CHN2: variants seen among roughly 807,000 people sequenced by gnomAD.
CHN2 encodes beta-chimaerin.
CHN2 carries 35 observed loss-of-function variants against 56.3 expected under a neutral mutation model. The observed-to-expected ratio is 0.62, with a 90% confidence interval of 0.47 to 0.82. The LOEUF is 0.82. CHN2 is among the 40% of genes least tolerant of loss of function. The pLI, the probability that CHN2 is intolerant of heterozygous loss-of-function variation, is 0.00. For synonymous variants in CHN2, 210 were observed against 212.8 expected, an observed-to-expected ratio of 0.99 and a Z score of 0.12; for missense variants, 491 against 580.5, an observed-to-expected ratio of 0.85 and a Z score of 1.58.
intron 2 of CHN2, among the ~76,000 whole-genome samples, chr7:29,154,864 C>G (rs942813745): frequency 6.6e-6 from 1 of 152,134 alleles, no homozygotes; most frequent in Non-Finnish European, 1.5e-5. Flanking sequence ...CTGATAAAGA[C>G]ATACTCGAGA....
intron 1 of CHN2, among the ~76,000 whole-genome samples, chr7:29,263,344 G>C (rs1398852377): frequency 6.6e-6 from 1 of 152,212 alleles, no homozygotes; most frequent in Non-Finnish European, 1.5e-5. Flanking sequence ...ATGTTGCCCA[G>C]GCTGGAGTGC....
chr7:29,221,015 A>T (rs1187624032), intron 1 of CHN2, among the ~76,000 whole-genome samples: 2 of 152,226 alleles, frequency 1.3e-5, no homozygotes, highest in Non-Finnish European at 2.9e-5. Flanking sequence ...AAAGAGGAAA[A>T]TTATGTAATT....
At chr7:29,383,521 T>C (rs1800683119) in intron 3 of CHN2, among the ~76,000 whole-genome samples, 1 of 152,192 alleles carries the variant, frequency 6.6e-6, no homozygotes, top group Non-Finnish European at 1.5e-5. Flanking sequence ...GGCTAATCTC[T>C]TGGAGAAACA....
intron 6 of CHN2, among the ~76,000 whole-genome samples, chr7:29,466,149 C>G (rs1785530875): frequency 6.6e-6 from 1 of 151,928 alleles, no homozygotes; most frequent in Non-Finnish European, 1.5e-5. Flanking sequence ...TTGCAGTAAG[C>G]CAAGTTTGCG....
chr7:29,164,799 A>C (rs1410600372), intron 2 of CHN2, among the ~76,000 whole-genome samples: 2 of 151,624 alleles, frequency 1.3e-5, no homozygotes, highest in African/African-American at 2.4e-5. Context: ...AAAAAAAAAA[A>C]AACAAAGATT....
chr7:29,273,684 G>A (rs1790944592), intron 1 of CHN2, among the ~76,000 whole-genome samples: 1 of 151,660 alleles, frequency 6.6e-6, no homozygotes, highest in African/African-American at 2.4e-5. Flanking sequence ...AACATTTGTT[G>A]CCTCTTGTCT....
chr7:29,167,884 T>G (rs1482943270), intron 2 of CHN2, among the ~76,000 whole-genome samples: 4 of 152,178 alleles, frequency 2.6e-5, no homozygotes, highest in Non-Finnish European at 5.9e-5. Context: ...AGCAATTACT[T>G]ACTGATGCAA....
intron 1 of CHN2, among the ~76,000 whole-genome samples, chr7:29,217,648 A>C (rs1206110242): frequency 1.3e-5 from 2 of 152,216 alleles, no homozygotes; most frequent in Non-Finnish European, 2.9e-5. Flanking sequence ...GAATGTCTTT[A>C]AGGCCCTGAA....
At chr7:29,318,737 A>G (rs1372104562) in intron 1 of CHN2, among the ~76,000 whole-genome samples, 2 of 152,176 alleles carry the variant, frequency 1.3e-5, no homozygotes, top group Non-Finnish European at 2.9e-5. Flanking sequence ...CTTGTATCTA[A>G]TTTATAAACC....
upstream of CHN2, chr7:29,191,588 A>C (rs1298636319): frequency 6.6e-6 from 1 of 152,246 alleles, no homozygotes; most frequent in African/African-American, 2.4e-5. Context: ...AGTTAAAACA[A>C]AATGATAATT....
At chr7:29,461,211 T>A (rs1004663717) in intron 6 of CHN2, among the ~76,000 whole-genome samples, 1 of 152,202 alleles carries the variant, frequency 6.6e-6, no homozygotes, top group Non-Finnish European at 1.5e-5. Flanking sequence ...AAACATGTAA[T>A]GTATGCTACA....
At chr7:29,363,457 C>G (rs1439931353) in intron 2 of CHN2, among the ~76,000 whole-genome samples, 1 of 152,126 alleles carries the variant, frequency 6.6e-6, no homozygotes. Context: ...TGCACTCTAG[C>G]CTGGGCAACA....
chr7:29,182,607 C>T (rs1262559223), intron 2 of CHN2, among the ~76,000 whole-genome samples: 5 of 152,164 alleles, frequency 3.3e-5, no homozygotes, highest in East Asian at 1.9e-4. Context: ...ATCAATTCAA[C>T]GTTCAAATAC....
intron 3 of CHN2, among the ~76,000 whole-genome samples, chr7:29,390,983 A>G (rs1469951237): frequency 6.6e-6 from 1 of 152,226 alleles, no homozygotes. Context: ...AGCTTAGTGA[A>G]GTATAGAAAT....
intron 1 of CHN2, among the ~76,000 whole-genome samples, chr7:29,215,975 G>C (rs1160694507): frequency 6.6e-6 from 1 of 152,096 alleles, no homozygotes; most frequent in Non-Finnish European, 1.5e-5. Flanking sequence ...AAAATCCCCA[G>C]GTGGAGTTTG....
chr7:29,274,309 C>T (rs139396661), intron 1 of CHN2, among the ~76,000 whole-genome samples: 7 of 152,326 alleles, frequency 4.6e-5, no homozygotes, highest in African/African-American at 7.2e-5. Flanking sequence ...TGCTCCACTT[C>T]GTCTGCACAA....
chr7:29,420,470 G>A (rs1270213687), intron 6 of CHN2, among the ~76,000 whole-genome samples: 1 of 152,202 alleles, frequency 6.6e-6, no homozygotes, highest in Non-Finnish European at 1.5e-5. Context: ...ACCCTGTCCT[G>A]TGCTGTAACA....
At chr7:29,156,955 C>A (rs1315245627) in intron 2 of CHN2, among the ~76,000 whole-genome samples, 4 of 152,152 alleles carry the variant, frequency 2.6e-5, no homozygotes, top group African/African-American at 9.7e-5. Flanking sequence ...AACATCAAAA[C>A]AAAAGCTACC....
At chr7:29,241,792 G>A (rs1369522458) in intron 1 of CHN2, among the ~76,000 whole-genome samples, 1 of 152,084 alleles carries the variant, frequency 6.6e-6, no homozygotes, top group East Asian at 1.9e-4. Flanking sequence ...TGGGCTAGTG[G>A]CAAACTAGAG....
Sources: gnomAD v4.1 joint callset for allele counts (sites outside exome capture counted in the v4.1 genomes callset) on GRCh38, gnomAD v4.1.1 for gene constraint, MANE v1.5 for transcripts, NCBI Gene and HGNC (gene_info 2026-07-23, HGNC 2026-07-21) for gene names.